PAPPA: variants seen among roughly 807,000 people sequenced by gnomAD.
The protein encoded by PAPPA is pappalysin-1.
In PAPPA, 60 loss-of-function variants were observed where a neutral mutation model predicts 164.0. That is an observed-to-expected ratio of 0.37 (90% CI 0.30 to 0.45). PAPPA has a LOEUF of 0.45. Ranked by LOEUF, PAPPA falls within the 20% of genes least tolerant of loss-of-function variation. PAPPA has a pLI of 1.00. For synonymous variants in PAPPA, 875 were observed against 814.1 expected (o/e 1.07, Z -1.27); for missense variants, 1,782 against 2,087.3 (o/e 0.85, Z 2.85).
chr9:116,178,839 C>T (rs920142961), intron 1 of PAPPA, among the ~76,000 whole-genome samples: 1 of 152,182 alleles, frequency 6.6e-6, no homozygotes. Flanking sequence ...AGCCAGCATT[C>T]GAACTCAGAT....
Position 116,211,769 on chromosome 9 carries a change from C to A in PAPPA, c.1755C>A (p.Asp585Glu). 6.2e-7 allele frequency: 1 copy of A among 1,614,098 alleles called. No individual in the cohort carries two copies. Among genetic ancestry groups the A allele is most frequent in the Non-Finnish European group, 8.5e-7 (1 of 1,179,966 alleles). Reference sequence around the variant, plus strand: ...TCTCAGAAATCCAGTCCTGCAGTGACCCCTGCATGGAGACAGAGCCCTCCT... The same window carrying A: ...TCTCAGAAATCCAGTCCTGCAGTGAACCCTGCATGGAGACAGAGCCCTCCT... ...RGISEIQSCSDPCMETEPSFE... is the reference protein window; with the variant it reads ...RGISEIQSCSEPCMETEPSFE... Residue 585 changes from aspartate to glutamate, a missense_variant, in exon 4 of 22, where the codon GAC (aspartate) becomes GAA (glutamate). Physicochemically the swap from Asp to Glu is conservative, Grantham distance 45. This residue lies in a region of PAPPA where 1,324 missense variants were observed against 1,656.9 expected (regional missense o/e 0.80). Transcript: ENST00000328252.
chr9:116,231,674 GAT>G, intron 6 of PAPPA, among the ~76,000 whole-genome samples: 1 of 50,396 alleles, frequency 2.0e-5, no homozygotes, highest in African/African-American at 8.5e-5. Flanking sequence ...TGGATGGATG[GAT>G]GGATGGATGG....
In PAPPA at chr9:116,367,716, C is replaced by T. The variant is rs887198926; in HGVS notation, c.4567C>T (p.Arg1523Cys). The T allele has an allele frequency of 5.0e-6, 8 of 1,613,794 alleles. No individual in the cohort carries two copies. Among genetic ancestry groups the T allele is most frequent in the East Asian group, 2.2e-5 (1 of 44,884 alleles). Residue 1523 changes from arginine to cysteine, a missense_variant, in exon 19 of 22, where the codon CGT (arginine) becomes TGT (cysteine). Coordinates refer to ENST00000328252, the MANE Select transcript of PAPPA (RefSeq NM_002581.5). ...SIILPMNVTV[R>C]DIPHWLNPTR... Reference sequence around the variant, plus strand: ...CATCCTGCCAATGAACGTGACCGTGCGTGACATCCCCCACTGGCTGAACCC... The same window carrying T: ...CATCCTGCCAATGAACGTGACCGTGTGTGACATCCCCCACTGGCTGAACCC...
intron 21 of PAPPA, among the ~76,000 whole-genome samples, chr9:116,393,883 T>C (rs1846927262): frequency 6.6e-6 from 1 of 152,176 alleles, no homozygotes; most frequent in African/African-American, 2.4e-5. Context: ...GAGACTTATG[T>C]AGAAATCAGA....
At position 116,154,530 on chromosome 9, in the gene PAPPA, A is replaced by G. The variant is rs1360703122; in HGVS notation, c.358A>G (p.Thr120Ala). 7.8e-6 allele frequency: 11 copies of G among 1,401,808 alleles called. No homozygotes were observed. Among genetic ancestry groups the G allele is most frequent in the Non-Finnish European group, 1.0e-5 (11 of 1,075,818 alleles). 86.8% of individuals were successfully genotyped at this position (1,401,808 alleles called of 1,614,324 possible). The change falls in exon 1 of 22, where the codon ACG becomes GCG. Residue 120 changes from threonine (T) to alanine (A), a missense_variant. Around this residue, in one of 2 missense-constraint regions of PAPPA, gnomAD observed 458 missense variants for 430.3 expected, o/e 1.06. Transcript: ENST00000328252. The surrounding 1 kb of genome is among the most constrained non-coding windows in gnomAD (Gnocchi z 5.2). ...ADLELPRDAF[T>A]LQVWLRAEGG... Reference sequence around the variant, plus strand: ...CCTCGAGCTGCCCCGGGACGCGTTCACGCTGCAAGTGTGGCTGCGAGCGGA... The same window carrying G: ...CCTCGAGCTGCCCCGGGACGCGTTCGCGCTGCAAGTGTGGCTGCGAGCGGA...
intron 19 of PAPPA, among the ~76,000 whole-genome samples, chr9:116,373,875 T>C (rs891326370): frequency 3.3e-5 from 5 of 152,124 alleles, no homozygotes; most frequent in Admixed American, 1.3e-4. Flanking sequence ...GTGCCCCAGT[T>C]TTCTCTTGTG....
intron 15 of PAPPA, among the ~76,000 whole-genome samples, chr9:116,348,830 A>T (rs776182589): frequency 1.1e-4 from 17 of 152,118 alleles, no homozygotes; most frequent in Non-Finnish European, 2.4e-4. Context: ...AAAGGATATG[A>T]TCTCATTCTT....
chr9:116,332,034 A>T (rs565018449), intron 11 of PAPPA, among the ~76,000 whole-genome samples: 2 of 150,796 alleles, frequency 1.3e-5, no homozygotes, highest in African/African-American at 4.9e-5. Flanking sequence ...TGATTTTTTT[A>T]TTTTTTTTTA....
At chr9:116,395,399 C>T (rs575434241) in intron 21 of PAPPA, among the ~76,000 whole-genome samples, 2 of 152,206 alleles carry the variant, frequency 1.3e-5, no homozygotes, top group African/African-American at 2.4e-5. Context: ...TCTGAGACTA[C>T]GTGACCACTT....
At chr9:116,392,311 G>T (rs898990640) in intron 21 of PAPPA, among the ~76,000 whole-genome samples, 2 of 152,158 alleles carry the variant, frequency 1.3e-5, no homozygotes, top group African/African-American at 4.8e-5. Context: ...TCAAGTGTTT[G>T]AAGTGGGGTT....
At chr9:116,263,307 C>T in intron 7 of PAPPA, among the ~76,000 whole-genome samples, 1 of 152,136 alleles carries the variant, frequency 6.6e-6, no homozygotes, top group African/African-American at 2.4e-5. Context: ...CCAGAATTTT[C>T]AGAAGCTGAA....
intron 6 of PAPPA, among the ~76,000 whole-genome samples, chr9:116,229,635 A>G (rs1023728480): frequency 6.6e-6 from 1 of 152,232 alleles, no homozygotes; most frequent in Non-Finnish European, 1.5e-5. Context: ...TTGGATTCAC[A>G]GCAAGGGCAG....
At chr9:116,193,555 C>A (rs1173065931) in intron 2 of PAPPA, among the ~76,000 whole-genome samples, 1 of 152,086 alleles carries the variant, frequency 6.6e-6, no homozygotes, top group Non-Finnish European at 1.5e-5. Flanking sequence ...GGCTGAGCTG[C>A]GATGGAGACC....
At chr9:116,238,843 A>G (rs763086106) in intron 7 of PAPPA, among the ~76,000 whole-genome samples, 45 of 152,010 alleles carry the variant, frequency 3.0e-4, no homozygotes, top group Non-Finnish European at 4.7e-4. Context: ...AAATCAACCT[A>G]CCATTTCAAC....
At position 116,211,678 on chromosome 9, in the gene PAPPA, G is replaced by T; in HGVS notation, c.1664G>T (p.Gly555Val). 6.2e-7 allele frequency: 1 copy of T among 1,613,992 alleles called. No homozygotes were observed. Among genetic ancestry groups the T allele is most frequent in the Non-Finnish European group, 8.5e-7 (1 of 1,179,988 alleles). ...AACCCATCTTTCTATGGCATGCCTG[G>T]GCACACCCACACCATGATCCATGAG... is the stretch of plus-strand genomic sequence containing the variant. ...VLNPSFYGMP[G>V]HTHTMIHEIG... The change falls in exon 4 of 22, where the codon GGG (glycine) becomes GTG (valine). Residue 555 changes from glycine (G) to valine (V), a missense_variant. Physicochemically the swap from Gly to Val is moderately radical, Grantham distance 109 (BLOSUM62 -3). Around this residue, in one of 2 missense-constraint regions of PAPPA, gnomAD observed 1,324 missense variants for 1,656.9 expected, o/e 0.80. Transcript: ENST00000328252.
chr9:116,227,699 C>A (rs967081328), intron 6 of PAPPA, 147 bp downstream of exon 6: 2 of 828,106 alleles, frequency 2.4e-6, no homozygotes, highest in Middle Eastern at 3.1e-4. Context: ...AGTAGTCAAG[C>A]GCTCATCCAT....
At chr9:116,213,553 T>C (rs186457075) in intron 4 of PAPPA, among the ~76,000 whole-genome samples, 1 of 152,226 alleles carries the variant, frequency 6.6e-6, no homozygotes, top group Non-Finnish European at 1.5e-5. Flanking sequence ...CTATAGCACC[T>C]TTTCTTGGCC....
intron 9 of PAPPA, among the ~76,000 whole-genome samples, chr9:116,276,410 G>C (rs1845198820): frequency 6.6e-6 from 1 of 152,182 alleles, no homozygotes; most frequent in Non-Finnish European, 1.5e-5. Flanking sequence ...TTTCCACCCT[G>C]TATTCTTCAG....
At chr9:116,177,336 G>A (rs546729640) in intron 1 of PAPPA, among the ~76,000 whole-genome samples, 4 of 152,298 alleles carry the variant, frequency 2.6e-5, no homozygotes, top group Admixed American at 1.3e-4. Context: ...TTTCACTCAT[G>A]CAAGCACCCT....
Sources: gnomAD v4.1 joint callset for allele counts (sites outside exome capture counted in the v4.1 genomes callset) on GRCh38, gnomAD v4.1.1 for gene constraint, gnomAD v4.1.1 regional missense constraint, Gnocchi (gnomAD v3.1) non-coding constraint, MANE v1.5 for transcripts, NCBI Gene and HGNC (gene_info 2026-07-23, HGNC 2026-07-21) for gene names.